The following GTF2F1 variants were observed in gnomAD, a reference collection of about 807,000 sequenced individuals.
GTF2F1 encodes the protein general transcription factor IIF subunit 1.
In GTF2F1, 39 loss-of-function variants were observed where a neutral mutation model predicts 63.5. The observed-to-expected ratio is 0.61, with a 90% CI of 0.48 to 0.80. GTF2F1 has a LOEUF of 0.80. Among genes scored for constraint, GTF2F1 ranks in the 30% least tolerant of loss-of-function variants. The pLI, the probability that GTF2F1 is intolerant of heterozygous loss-of-function variation, is 0.00. For missense variants in GTF2F1, 657 were observed against 718.3 expected, an observed-to-expected ratio of 0.91 and a Z score of 0.97; for synonymous variants, 287 against 285.3, an observed-to-expected ratio of 1.01 and a Z score of -0.06.
At chr19:6,386,490 G>T (rs2091974422) in intron 5 of GTF2F1, among the ~76,000 whole-genome samples, 1 of 152,218 alleles carries the variant, frequency 6.6e-6, no homozygotes, top group African/African-American at 2.4e-5. Context: ...CTGTCGCCCA[G>T]GCTGGAGTGC....
At chr19:6,391,774 C>T (rs1599217550) in intron 3 of GTF2F1, 128 bp downstream of exon 3, 1 of 603,504 alleles carries the variant, frequency 1.7e-6, no homozygotes, top group East Asian at 2.9e-5. Context: ...ATCTTTTCTT[C>T]ACTTGGAGAA....
rs1008334847 is a variant in GTF2F1, at chr19:6,379,723, C to T, written c.*558G>A. On this transcript the variant is annotated 3_prime_UTR_variant, in exon 13 of 13. Transcript: ENST00000394456. ...CGGAACAGCTGGGACAACAGGCTCC[C>T]GCCACCATGCCTGGCTACTTTTTTT... 3.8e-5 allele frequency: 6 copies of T among 156,668 alleles called. No individual in the cohort carries two copies. Among genetic ancestry groups the T allele is most frequent in the Admixed American group, 1.8e-4 (3 of 16,888 alleles). 9.7% of individuals were successfully genotyped at this position (156,668 alleles called of 1,614,324 possible).
chr19:6,388,156 C>G (rs1268201457), intron 4 of GTF2F1, among the ~76,000 whole-genome samples: 1 of 152,034 alleles, frequency 6.6e-6, no homozygotes, highest in African/African-American at 2.4e-5. Flanking sequence ...TTTCGAACCC[C>G]TGACCCCACG....
intron 4 of GTF2F1, 99 bp downstream of exon 4, chr19:6,389,345 A>G: frequency 3.4e-6 from 3 of 887,326 alleles, no homozygotes; most frequent in Non-Finnish European, 5.0e-6. Context: ...AGCAGTGGGA[A>G]TCTGAGGTTC....
Position 6,383,566 on chromosome 19 carries a change from G to C in GTF2F1, c.498-71C>G. Reference sequence around the variant, plus strand: ...CTGCATCTGTGCTTGCAGGGGGCGAGCCCCAGGGCACCACCCACATAGCCT... The same window carrying C: ...CTGCATCTGTGCTTGCAGGGGGCGACCCCCAGGGCACCACCCACATAGCCT... On this transcript the variant is annotated intron_variant, in intron 5 of 12. Transcript: ENST00000394456. The surrounding 1 kb of genome is among the most constrained non-coding windows in gnomAD (Gnocchi z 4.5). The C allele has an allele frequency of 6.6e-7, 1 of 1,523,432 alleles. No homozygotes were observed. Among genetic ancestry groups the C allele is most frequent in the Non-Finnish European group, 9.0e-7 (1 of 1,113,482 alleles). The allele number at this position is 1,523,432 out of a possible 1,614,324, so 94.4% of individuals were successfully genotyped here.
Position 6,382,540 on chromosome 19 carries a change from A to G in GTF2F1, c.683-690T>C, listed in dbSNP as rs533226390. ...CAGCTACTTGGGAGGCTGAGGCAGG[A>G]GAATCACTTGAACCTGGGAGGCAGA... On this transcript the variant is annotated intron_variant, in intron 6 of 12. Coordinates refer to ENST00000394456, the MANE Select transcript of GTF2F1 (RefSeq NM_002096.3). 6.6e-5 allele frequency among the ~76,000 whole-genome samples: 10 copies of G among 151,700 alleles called. No individual in the cohort carries two copies. In the South Asian group the frequency reaches 2.1e-3, roughly 32 times the overall value.
Position 6,380,238 on chromosome 19 carries a change from A to G in GTF2F1, c.*43T>C. 1.3e-6 allele frequency: 2 copies of G among 1,510,574 alleles called. No individual in the cohort carries two copies. The highest frequency in any genetic ancestry group is 1.8e-6 in the Non-Finnish European group (2 of 1,085,634). 93.6% of individuals were successfully genotyped at this position (1,510,574 alleles called of 1,614,324 possible). ...TCTAGGATGGCGAAGGGGCAGTGAG[A>G]GCCTTAAGTTCTGGGGGGCAGAGCC... is the stretch of plus-strand genomic sequence containing the variant. On this transcript the variant is annotated 3_prime_UTR_variant, in exon 13 of 13. Coordinates refer to ENST00000394456, the MANE Select transcript of GTF2F1 (RefSeq NM_002096.3). This position sits in a 1 kb window ranked among gnomAD's most constrained non-coding sequence, Gnocchi z 5.3.
At position 6,380,776 on chromosome 19, in the gene GTF2F1, G is replaced by A; in HGVS notation, c.1232-86C>T. On this transcript the variant is annotated intron_variant, in intron 11 of 12. Coordinates refer to ENST00000394456, the MANE Select transcript of GTF2F1 (RefSeq NM_002096.3). This position sits in a 1 kb window ranked among gnomAD's most constrained non-coding sequence, Gnocchi z 5.3. ...CCCAGGCTGGGCAGTGCCAGGATTA[G>A]GGTTCAAGGGGATCAGGGAGAGACA... The A allele has an allele frequency of 1.3e-6, 2 of 1,544,270 alleles. No individual in the cohort carries two copies. The highest frequency in any genetic ancestry group is 1.8e-6 in the Non-Finnish European group (2 of 1,136,824).
At chr19:6,389,400 T>C in intron 4 of GTF2F1, 44 bp downstream of exon 4, 1 of 1,581,072 alleles carries the variant, frequency 6.3e-7, no homozygotes, top group South Asian at 1.1e-5. Flanking sequence ...CCTGGGGATG[T>C]GGACTGGTCA....
intron 3 of GTF2F1, among the ~76,000 whole-genome samples, chr19:6,391,423 G>A (rs1309924001): frequency 6.7e-6 from 1 of 150,220 alleles, no homozygotes; most frequent in Non-Finnish European, 1.5e-5. Context: ...GCTAGGCCTG[G>A]GCCTTTGCCA....
Position 6,383,323 on chromosome 19 carries a change from T to C in GTF2F1, c.670A>G (p.Ser224Gly), listed in dbSNP as rs774005075. 1 of 1,614,002 alleles carries C rather than the reference T, an allele frequency of 6.2e-7. No homozygotes were observed. Among genetic ancestry groups the C allele is most frequent in the South Asian group, 1.1e-5 (1 of 91,090 alleles). ...CGCCCGTACTCACCCTCCTCACCAC[T>C]GGCATCACTGGCATCGGACGACATC... ...LEMSSDASDA[S>G]GEEGGRVPKA... The change falls in exon 6 of 13, where the codon AGT (serine) becomes GGT (glycine). Residue 224 changes from serine (S) to glycine (G), a missense_variant. Coordinates refer to ENST00000394456, the MANE Select transcript of GTF2F1 (RefSeq NM_002096.3). The surrounding 1 kb of genome is among the most constrained non-coding windows in gnomAD (Gnocchi z 4.5).
intron 5 of GTF2F1, among the ~76,000 whole-genome samples, chr19:6,384,438 G>C (rs1001819631): frequency 1.2e-4 from 18 of 151,742 alleles, no homozygotes; most frequent in African/African-American, 4.1e-4. Context: ...AACCCAGGAG[G>C]CAGAGGTTGC....
At chr19:6,385,072 T>C (rs1393900545) in intron 5 of GTF2F1, among the ~76,000 whole-genome samples, 1 of 151,982 alleles carries the variant, frequency 6.6e-6, no homozygotes, top group Non-Finnish European at 1.5e-5. Flanking sequence ...GAACAGTTCT[T>C]AGCTAAGTAG....
intron 3 of GTF2F1, among the ~76,000 whole-genome samples, chr19:6,391,190 A>G (rs2145083929): frequency 6.6e-6 from 1 of 152,274 alleles, no homozygotes; most frequent in South Asian, 2.1e-4. Context: ...GCCAGATCAC[A>G]CACACTACAA....
chr19:6,381,258 C>A lies in GTF2F1; in HGVS notation c.1019-63G>T. The stretch of plus-strand genomic sequence containing the variant: ...CCCGGGACCCGGTGCCCACTGGTGC[C>A]TCCACTGCAGATGAGGGAGGCCTGC... On this transcript the variant is annotated intron_variant, in intron 9 of 12. Transcript: ENST00000394456. This position sits in a 1 kb window ranked among gnomAD's most constrained non-coding sequence, Gnocchi z 4.1. 2.6e-6 allele frequency: 4 copies of A among 1,562,628 alleles called. No individual in the cohort carries two copies. The highest frequency in any genetic ancestry group is 3.5e-6 in the Non-Finnish European group (4 of 1,154,348).
At chr19:6,391,132 G>A (rs1279734360) in intron 3 of GTF2F1, among the ~76,000 whole-genome samples, 1 of 152,104 alleles carries the variant, frequency 6.6e-6, no homozygotes, top group African/African-American at 2.4e-5. Flanking sequence ...CTTCTACCTT[G>A]GTCTCCGTTT....
chr19:6,388,008 C>G (rs1363419632), intron 4 of GTF2F1, among the ~76,000 whole-genome samples: 1 of 150,134 alleles, frequency 6.7e-6, no homozygotes, highest in Non-Finnish European at 1.5e-5. Flanking sequence ...CAGCTCACTG[C>G]AACCTCCACC....
intron 5 of GTF2F1, among the ~76,000 whole-genome samples, chr19:6,384,556 C>T (rs189888139): frequency 1.3e-5 from 2 of 151,650 alleles, no homozygotes; most frequent in East Asian, 3.9e-4. Context: ...CTAACATGGG[C>T]AAGGCCCAGG....
Position 6,393,037 on chromosome 19 carries a change from C to G in GTF2F1, c.-42G>C. On this transcript the variant is annotated 5_prime_UTR_variant, in exon 1 of 13. Transcript: ENST00000394456. ...TTCCGATCTGGTCCGACCCGGGTTC[C>G]TTTCGTCTCCTCTGGCGTGCGCGTC... The G allele has an allele frequency of 6.2e-7, 1 of 1,612,302 alleles. No homozygotes were observed. Among genetic ancestry groups the G allele is most frequent in the Non-Finnish European group, 8.5e-7 (1 of 1,179,678 alleles).
Sources: gnomAD v4.1 joint callset for allele counts (sites outside exome capture counted in the v4.1 genomes callset) on GRCh38, gnomAD v4.1.1 for gene constraint, Gnocchi (gnomAD v3.1) non-coding constraint, MANE v1.5 for transcripts, NCBI Gene and HGNC (gene_info 2026-07-23, HGNC 2026-07-21) for gene names.